The following ALDH1L2 variants were observed in gnomAD, a reference collection of about 807,000 sequenced individuals.
ALDH1L2 encodes the protein aldehyde dehydrogenase 1 family member L2.
In ALDH1L2, 91 loss-of-function variants were observed where a neutral mutation model predicts 111.0. The observed-to-expected ratio is 0.82, with a 90% CI of 0.69 to 0.98. ALDH1L2 has a LOEUF of 0.98. Ranked by LOEUF, ALDH1L2 falls within the 50% of genes least tolerant of loss-of-function variation. The pLI, the probability that ALDH1L2 is intolerant of heterozygous loss-of-function variation, is 0.00. For missense variants in ALDH1L2, 995 were observed against 1,126.8 expected (o/e 0.88, Z 1.67); for synonymous variants, 374 against 392.6 (o/e 0.95, Z 0.56).
chr12:105,049,697 C>A, intron 13 of ALDH1L2: 1 of 472,698 alleles, frequency 2.1e-6, no homozygotes, highest in Non-Finnish European at 3.4e-6. Flanking sequence ...TTAGACTTCC[C>A]GGCCTCCAGA....
intron 18 of ALDH1L2, among the ~76,000 whole-genome samples, chr12:105,036,861 T>A (rs1875184802): frequency 6.6e-6 from 1 of 152,106 alleles, no homozygotes; most frequent in African/African-American, 2.4e-5. Flanking sequence ...AGGGGAGTCC[T>A]GACCCCTGAT....
rs760391620 is a variant in ALDH1L2, at chr12:105,052,934, G to A, written c.1288-3C>T. ...ATTTCATTGACCTCCTTTGAAATCTGAGAGAAGTATATTAATAGATTCAAT... is the reference window on the plus strand; with the variant it reads ...ATTTCATTGACCTCCTTTGAAATCTAAGAGAAGTATATTAATAGATTCAAT... On this transcript the variant is annotated splice_region_variant and splice_polypyrimidine_tract_variant and intron_variant, in intron 10 of 22. Transcript: ENST00000258494. 3.7e-6 allele frequency: 6 copies of A among 1,613,232 alleles called. No homozygotes were observed. Among genetic ancestry groups the A allele is most frequent in the Non-Finnish European group, 5.1e-6 (6 of 1,179,272 alleles).
chr12:105,046,244 TTTTTTTTG>T (rs1875904470), intron 15 of ALDH1L2, among the ~76,000 whole-genome samples: 1 of 128,258 alleles, frequency 7.8e-6, no homozygotes, highest in Admixed American at 8.2e-5. Context: ...TTTTTTTTTT[TTTTTTTTG>T]TGAGACAGAG....
At chr12:105,036,545 TATATATATATATATATATATAAA>T (rs1875152640) in intron 18 of ALDH1L2, among the ~76,000 whole-genome samples, 1 of 41,746 alleles carries the variant, frequency 2.4e-5, no homozygotes, top group African/African-American at 1.7e-4. Flanking sequence ...TATATATATA[TATATATATATATATATATATAAA>T]ATGGATGTGG....
At position 105,052,927 on chromosome 12, in the gene ALDH1L2, G is replaced by C. The variant is rs374980455; in HGVS notation, c.1292C>G (p.Ser431Ter). Residue 431 changes from serine to a stop codon, truncating the protein, a stop_gained, in exon 11 of 23, where the codon TCA becomes TGA. Transcript: ENST00000258494. LOFTEE classifies it high-confidence loss of function. ...TACCATGATTTCATTGACCTCCTTTGAAATCTGAGAGAAGTATATTAATAG... is the reference window on the plus strand; with the variant it reads ...TACCATGATTTCATTGACCTCCTTTCAAATCTGAGAGAAGTATATTAATAG... The part of the protein sequence containing the change: ...QEVELVVDYI[S>*]KEVNEIMVKM... 6.2e-7 allele frequency: 1 copy of C among 1,613,440 alleles called. No individual in the cohort carries two copies. The highest frequency in any genetic ancestry group is 8.5e-7 in the Non-Finnish European group (1 of 1,179,502).
rs1041886713 is a variant in ALDH1L2, at chr12:105,053,065, A to G, written c.1288-134T>C. ...TTCTAGTTCCGACTGTACAGAAGACATGCATATGTGAGATTTGGGCCTCAA... is the reference window on the plus strand; with the variant it reads ...TTCTAGTTCCGACTGTACAGAAGACGTGCATATGTGAGATTTGGGCCTCAA... On this transcript the variant is annotated intron_variant, in intron 10 of 22. Transcript: ENST00000258494. The G allele has an allele frequency of 4.1e-5, 45 of 1,088,920 alleles. No homozygotes were observed. In the African/African-American group the frequency reaches 6.1e-4, roughly 15 times the overall value. The allele number at this position is 1,088,920 out of a possible 1,614,324, so 67.5% of individuals were successfully genotyped here.
At chr12:105,040,468 T>TC (rs2136061664) in intron 16 of ALDH1L2, 139 bp downstream of exon 16, 1 of 818,814 alleles carries the variant, frequency 1.2e-6, no homozygotes, top group South Asian at 1.6e-5. Flanking sequence ...GTAAGTATAT[T>TC]CATCCTTAAC....
rs1372766913 is a variant in ALDH1L2, at chr12:105,071,251, C to T, written c.194-447G>A. Among the ~76,000 whole-genome samples the T allele has an allele frequency of 2.0e-5, 3 of 152,180 alleles. No homozygotes were observed. In the East Asian group the frequency reaches 5.8e-4, roughly 29 times the overall value. ...ACATCGTAGACCAGAACACATTCTCCCTGCCAAACAGGCAGATCCCAAAAG... is the reference window on the plus strand; with the variant it reads ...ACATCGTAGACCAGAACACATTCTCTCTGCCAAACAGGCAGATCCCAAAAG... On this transcript the variant is annotated intron_variant, in intron 2 of 22. Transcript: ENST00000258494.
chr12:105,035,536 A>G (rs1874937916), intron 18 of ALDH1L2, among the ~76,000 whole-genome samples: 2 of 151,952 alleles, frequency 1.3e-5, no homozygotes, highest in Non-Finnish European at 2.9e-5. Flanking sequence ...CAGGCTGGTC[A>G]TGAACCCCAA....
In ALDH1L2 at chr12:105,046,887, T is replaced by C; in HGVS notation, c.1757+12A>G. ...ACTCATGATTCACTCAGAGGCACTC[T>C]CCTTATCTTACCCGAGTGGCTCTTT... On this transcript the variant is annotated intron_variant, in intron 14 of 22. Transcript: ENST00000258494. 1 of 1,613,962 alleles carries C rather than the reference T, an allele frequency of 6.2e-7. No individual in the cohort carries two copies. The highest frequency in any genetic ancestry group is 8.5e-7 in the Non-Finnish European group (1 of 1,179,838).
chr12:105,076,440 A>G (rs1051190167), intron 1 of ALDH1L2, among the ~76,000 whole-genome samples: 4 of 152,208 alleles, frequency 2.6e-5, no homozygotes, highest in Non-Finnish European at 5.9e-5. Context: ...TTATTAACCC[A>G]CTTTAGGGAT....
rs767504364 is a variant in ALDH1L2, at chr12:105,026,657, C to T, written c.2604G>A (p.Met868Ile). ...CTGCTTCCAGTTTTTCACTCACATA[C>T]ATAGCTTTGTTTATGTCTCTTGTAA... Reference protein sequence around the residue: ...GVFTRDINKAMYVSEKLEAGT... With the variant: ...GVFTRDINKAIYVSEKLEAGT... Residue 868 changes from methionine to isoleucine, a missense_variant, in exon 22 of 23, where the codon ATG (methionine) becomes ATA (isoleucine). Transcript: ENST00000258494. 4.3e-6 allele frequency: 7 copies of T among 1,614,086 alleles called. No individual in the cohort carries two copies. The African/African-American group carries it at 8.0e-5, about 18-fold the overall frequency.
rs187138230 is a variant in ALDH1L2, at chr12:105,059,395, G to A, written c.1140-1175C>T. ...ACTAGTAGGGAGGATGAGATGAAAG[G>A]ATGGCTATCCCAGGAGTGCAAGGCT... On this transcript the variant is annotated intron_variant, in intron 9 of 22. Coordinates refer to ENST00000258494, the MANE Select transcript of ALDH1L2 (RefSeq NM_001034173.4). Among the ~76,000 whole-genome samples the A allele has an allele frequency of 1.7e-4, 26 of 151,364 alleles. No individual in the cohort carries two copies. In the East Asian group the frequency reaches 3.9e-3, roughly 23 times the overall value.
intron 18 of ALDH1L2, among the ~76,000 whole-genome samples, chr12:105,036,885 C>A (rs1320066021): frequency 2.0e-5 from 3 of 151,984 alleles, no homozygotes; most frequent in African/African-American, 7.2e-5. Context: ...AGTTTGAGTA[C>A]CCCCAGCCAT....
At chr12:105,038,738 A>G (rs980721907) in intron 17 of ALDH1L2, among the ~76,000 whole-genome samples, 2 of 152,214 alleles carry the variant, frequency 1.3e-5, no homozygotes, top group Non-Finnish European at 2.9e-5. Context: ...GGTGATTACC[A>G]TTGAAGCTGA....
chr12:105,069,311 G>A (rs1386812566), intron 3 of ALDH1L2, among the ~76,000 whole-genome samples: 1 of 152,228 alleles, frequency 6.6e-6, no homozygotes, highest in Non-Finnish European at 1.5e-5. Flanking sequence ...AGGACAGAAT[G>A]TGAAACTAAT....
At chr12:105,079,816 A>G (rs996376355) in intron 1 of ALDH1L2, among the ~76,000 whole-genome samples, 7 of 152,212 alleles carry the variant, frequency 4.6e-5, no homozygotes, top group Non-Finnish European at 7.3e-5. Flanking sequence ...CCCCAGAGGA[A>G]ACTACTATTG....
At position 105,038,145 on chromosome 12, in the gene ALDH1L2, A is replaced by C; in HGVS notation, c.2103T>G (p.Leu701=). Residue 701 remains leucine (L), a synonymous_variant, in exon 18 of 23, where the codon CTT becomes CTG. Coordinates refer to ENST00000258494, the MANE Select transcript of ALDH1L2 (RefSeq NM_001034173.4). The stretch of plus-strand genomic sequence containing the variant: ...CAAGTTCACAGTCATTAAATATTAT[A>C]AGTGGAGACTTGCCACCAAGCTCAA... ...VSLELGGKSP[L]IIFNDCELDK... is the part of the protein sequence containing the mutation. 2 of 1,613,682 alleles carry C rather than the reference A, an allele frequency of 1.2e-6. No homozygotes were observed. Among genetic ancestry groups the C allele is most frequent in the Non-Finnish European group, 1.7e-6 (2 of 1,179,774 alleles).
intron 9 of ALDH1L2, 44 bp from the exon 10 acceptor site, chr12:105,058,264 G>T: frequency 6.4e-7 from 1 of 1,551,652 alleles, no homozygotes. Flanking sequence ...TTTTTAAAAG[G>T]GGTTAGGAAG....
Sources: gnomAD v4.1 joint callset for allele counts (sites outside exome capture counted in the v4.1 genomes callset) on GRCh38, gnomAD v4.1.1 for gene constraint, MANE v1.5 for transcripts, NCBI Gene and HGNC (gene_info 2026-07-23, HGNC 2026-07-21) for gene names.